CASTOR2: variants seen among roughly 807,000 people sequenced by gnomAD.
CASTOR2 encodes the protein GATS protein like 2.
In CASTOR2, 8 loss-of-function variants were observed where a neutral mutation model predicts 31.2. The ratio of observed to expected loss-of-function variants is 0.26; its 90% CI spans 0.15 to 0.46. The LOEUF is 0.46. CASTOR2 is among the 20% of genes least tolerant of loss of function. CASTOR2 has a pLI of 0.99. For missense variants in CASTOR2, 216 were observed against 382.1 expected (o/e 0.57, Z 3.62); for synonymous variants, 162 against 158.7 (o/e 1.02, Z -0.16).
intron 1 of CASTOR2, among the ~76,000 whole-genome samples, chr7:74,997,735 T>C (rs1554438044): frequency 6.6e-6 from 1 of 151,854 alleles, no homozygotes; most frequent in African/African-American, 2.4e-5. Flanking sequence ...CCAGGTGTTT[T>C]TGTTTTTTTT....
intron 1 of CASTOR2, among the ~76,000 whole-genome samples, chr7:75,000,781 G>A (rs1312068192): frequency 8.5e-4 from 129 of 152,002 alleles, no homozygotes; most frequent in African/African-American, 3.0e-3. Flanking sequence ...TCAGCCTCCC[G>A]AGTAGCTGGG....
intron 1 of CASTOR2, among the ~76,000 whole-genome samples, chr7:74,979,157 C>T (rs1803893502): frequency 6.6e-6 from 1 of 151,712 alleles, no homozygotes; most frequent in Non-Finnish European, 1.5e-5. Context: ...TAGAGCCAGA[C>T]CTTGTCTCAA....
chr7:75,021,865 CT>C lies in CASTOR2; in HGVS notation c.747-5del, dbSNP rs1805013953. The C allele has an allele frequency of 6.4e-7, 1 of 1,551,622 alleles. No individual in the cohort carries two copies. The highest frequency in any genetic ancestry group is 1.4e-5 in the African/African-American group (1 of 73,038). On this transcript the variant is annotated splice_polypyrimidine_tract_variant and splice_region_variant and intron_variant, in intron 6 of 8. Transcript: ENST00000616305. ...AGCCTCGGGGATTCTTCTCTCGCTC[CT>C]TTTGAAGGTTTCCTAGTAACTTGCT...
intron 2 of CASTOR2, among the ~76,000 whole-genome samples, chr7:75,010,854 CTCT>C (rs1199223667): frequency 6.6e-6 from 1 of 151,648 alleles, no homozygotes; most frequent in African/African-American, 2.4e-5. Flanking sequence ...TTTTGTCTCT[CTCT>C]TTTTTTTTTC....
At chr7:74,973,385 G>A (rs1468463011) in intron 1 of CASTOR2, among the ~76,000 whole-genome samples, 2 of 94,208 alleles carry the variant, frequency 2.1e-5, no homozygotes, top group Non-Finnish European at 2.0e-5. Flanking sequence ...CTGTTGCCCC[G>A]GCTGGAGTGC....
At chr7:74,983,275 G>A (rs1387144265) in intron 1 of CASTOR2, among the ~76,000 whole-genome samples, 2 of 148,876 alleles carry the variant, frequency 1.3e-5, no homozygotes, top group Non-Finnish European at 1.5e-5. Flanking sequence ...GCCTCCCAAA[G>A]TGCTGGGATT....
intron 1 of CASTOR2, among the ~76,000 whole-genome samples, chr7:74,987,182 A>G (rs1177357029): frequency 2.0e-5 from 3 of 152,232 alleles, no homozygotes; most frequent in East Asian, 3.9e-4. Context: ...AGGTGGGCAG[A>G]TCACTTGAGG....
At position 75,031,493 on chromosome 7, in the gene CASTOR2, A is replaced by G. The variant is rs1297763527; in HGVS notation, c.*6794A>G. On this transcript the variant is annotated 3_prime_UTR_variant, in exon 9 of 9. Transcript: ENST00000616305. ...CCCCAAAAAAGACAGTATATTTTGT[A>G]CTTTGTAAAGTGTTAATTAAAATGA... Among the ~76,000 whole-genome samples, 2 of 151,448 alleles carry G rather than the reference A, an allele frequency of 1.3e-5. No homozygotes were observed. The highest frequency in any genetic ancestry group is 2.4e-5 in the African/African-American group (1 of 41,210).
intron 5 of CASTOR2, among the ~76,000 whole-genome samples, chr7:75,019,482 C>T (rs1352095226): frequency 6.6e-6 from 1 of 152,122 alleles, no homozygotes; most frequent in African/African-American, 2.4e-5. Flanking sequence ...CGCCCTGGAA[C>T]TAGGCTGAGG....
In CASTOR2 at chr7:75,030,616, T is replaced by TTCCCCAG. The variant is rs1260359434; in HGVS notation, c.*5918_*5924dup. On this transcript the variant is annotated 3_prime_UTR_variant, in exon 9 of 9. Coordinates refer to ENST00000616305, the MANE Select transcript of CASTOR2 (RefSeq NM_001145064.3). ...GGCTGTAGGCAGGAGGCCTCAGTCC[T>TTCCCCAG]TCCCCAGGTGGGCCAACCCACAGGG... Among the ~76,000 whole-genome samples the TTCCCCAG allele has an allele frequency of 5.3e-5, 8 of 152,296 alleles. No homozygotes were observed. The East Asian group carries it at 1.5e-3, about 29-fold the overall frequency.
chr7:74,998,160 C>G (rs1179896540), intron 1 of CASTOR2, among the ~76,000 whole-genome samples: 5 of 152,152 alleles, frequency 3.3e-5, no homozygotes, highest in African/African-American at 1.2e-4. Context: ...CTCCTTTAAC[C>G]CAACTAAGCT....
rs1167359435 is a variant in CASTOR2, at chr7:75,031,192, G to A, written c.*6493G>A. ...TGAGATGGGGGTGAGTGGATGGATG[G>A]TGTACTGAGGGGCCTCTGCCCTGCC... is the stretch of plus-strand genomic sequence containing the variant. On this transcript the variant is annotated 3_prime_UTR_variant, in exon 9 of 9. Coordinates refer to ENST00000616305, the MANE Select transcript of CASTOR2 (RefSeq NM_001145064.3). Among the ~76,000 whole-genome samples the A allele has an allele frequency of 6.6e-6, 1 of 152,092 alleles. No homozygotes were observed. The highest frequency in any genetic ancestry group is 2.4e-5 in the African/African-American group (1 of 41,426).
intron 1 of CASTOR2, among the ~76,000 whole-genome samples, chr7:74,970,257 C>T (rs1317412550): frequency 7.5e-6 from 1 of 134,212 alleles, no homozygotes; most frequent in African/African-American, 2.6e-5. Context: ...AACCAGGCCT[C>T]TGCCCAGGAC....
At chr7:74,995,027 G>A (rs1279117945) in intron 1 of CASTOR2, among the ~76,000 whole-genome samples, 6 of 152,114 alleles carry the variant, frequency 3.9e-5, no homozygotes, top group African/African-American at 1.4e-4. Context: ...GGCCAGCCAT[G>A]TGGGTCCAGG....
intron 6 of CASTOR2, 21 bp downstream of exon 6, chr7:75,020,170 GA>G: frequency 6.5e-7 from 1 of 1,548,942 alleles, no homozygotes; most frequent in Non-Finnish European, 8.7e-7. Context: ...CCCTGGGGTG[GA>G]CGTTCAACCC....
intron 1 of CASTOR2, among the ~76,000 whole-genome samples, chr7:74,995,108 C>T (rs1479079879): frequency 5.3e-5 from 8 of 152,100 alleles, no homozygotes; most frequent in Admixed American, 1.3e-4. Flanking sequence ...CACTGATGAA[C>T]GGAGCGGGAT....
intron 1 of CASTOR2, among the ~76,000 whole-genome samples, chr7:74,974,936 T>A (rs1803766196): frequency 6.8e-6 from 1 of 146,568 alleles, no homozygotes; most frequent in Non-Finnish European, 1.5e-5. Flanking sequence ...ACATGCCCTA[T>A]TTTAGGTAAC....
chr7:74,989,864 GA>G (rs1431793807), intron 1 of CASTOR2, among the ~76,000 whole-genome samples: 1 of 152,094 alleles, frequency 6.6e-6, no homozygotes, highest in Non-Finnish European at 1.5e-5. Context: ...CAGTTGTTGG[GA>G]AAGGAGCACG....
intron 2 of CASTOR2, among the ~76,000 whole-genome samples, chr7:75,017,137 G>A (rs1217502670): frequency 2.6e-5 from 4 of 151,586 alleles, no homozygotes; most frequent in African/African-American, 7.3e-5. Context: ...GGGTGACAGA[G>A]CAAGACTCTC....
Sources: allele counts gnomAD v4.1 joint callset (sites outside exome capture counted in the v4.1 genomes callset), GRCh38; gene constraint gnomAD v4.1.1; transcripts MANE v1.5; gene names NCBI Gene and HGNC (gene_info 2026-07-23, HGNC 2026-07-21).